The following HCN2 variants were observed in gnomAD, a reference collection of about 807,000 sequenced individuals.
The protein encoded by HCN2 is potassium/sodium hyperpolarization-activated cyclic nucleotide-gated channel 2.
In HCN2, 20 loss-of-function variants were observed where a neutral mutation model predicts 52.3. That is an observed-to-expected ratio of 0.38 (90% confidence interval 0.27 to 0.56). HCN2 has a LOEUF of 0.56. Ranked by LOEUF, HCN2 falls within the 20% of genes least tolerant of loss-of-function variation. The pLI, the probability that HCN2 is intolerant of heterozygous loss-of-function variation, is 0.71. For missense variants in HCN2, 981 were observed against 1,207.7 expected, an observed-to-expected ratio of 0.81 and a Z score of 2.78; for synonymous variants, 694 against 537.0, an observed-to-expected ratio of 1.29 and a Z score of -4.04.
chr19:610,284 C>G lies in HCN2; in HGVS notation c.1463C>G (p.Ser488Cys). Residue 488 changes from serine to cysteine, a missense_variant, in exon 5 of 8, where the codon TCC becomes TGC. Ser to Cys is a moderately radical substitution (Grantham distance 112). Coordinates refer to ENST00000251287, the MANE Select transcript of HCN2 (RefSeq NM_001194.4). ...EKYKQVEQYMSFHKLPADFRQ... is the reference protein window; with the variant it reads ...EKYKQVEQYMCFHKLPADFRQ... ...TACAAGCAGGTGGAGCAGTACATGTCCTTCCACAAGCTGCCAGCTGACTTC... is the reference window on the plus strand; with the variant it reads ...TACAAGCAGGTGGAGCAGTACATGTGCTTCCACAAGCTGCCAGCTGACTTC... 6.2e-7 allele frequency: 1 copy of G among 1,613,460 alleles called. No individual in the cohort carries two copies. Among genetic ancestry groups the G allele is most frequent in the Non-Finnish European group, 8.5e-7 (1 of 1,179,784 alleles).
At chr19:609,020 G>A (rs1423075384) in intron 4 of HCN2, among the ~76,000 whole-genome samples, 3 of 152,214 alleles carry the variant, frequency 2.0e-5, no homozygotes, top group Non-Finnish European at 4.4e-5. Context: ...GTTTCCCCAT[G>A]TTAGGCGGCT....
intron 4 of HCN2, among the ~76,000 whole-genome samples, chr19:609,944 A>G (rs1391042625): frequency 1.3e-5 from 2 of 152,192 alleles, no homozygotes; most frequent in Non-Finnish European, 2.9e-5. Flanking sequence ...TTCAACTTTG[A>G]TTTAAATAGA....
intron 1 of HCN2, among the ~76,000 whole-genome samples, chr19:599,719 C>G (rs891160372): frequency 1.3e-5 from 2 of 151,946 alleles, no homozygotes; most frequent in Non-Finnish European, 2.9e-5. Context: ...ACCCTGGAGG[C>G]GGAGCTTGCA....
At chr19:612,230 C>T (rs1177764671) in intron 5 of HCN2, among the ~76,000 whole-genome samples, 3 of 152,146 alleles carry the variant, frequency 2.0e-5, no homozygotes, top group Non-Finnish European at 4.4e-5. Context: ...GGTGTAACCA[C>T]CACACAGAAC....
At position 591,808 on chromosome 19, in the gene HCN2, C is replaced by T. The variant is rs1044214966; in HGVS notation, c.632+1231C>T. On this transcript the variant is annotated intron_variant, in intron 1 of 7. Coordinates refer to ENST00000251287, the MANE Select transcript of HCN2 (RefSeq NM_001194.4). This position sits in a 1 kb window ranked among gnomAD's most constrained non-coding sequence, Gnocchi z 4.1. ...AACTGGGCAGGGAGGCTGTGGGGTT[C>T]TCTCTTCCCCTGGATTCTCTGCACC... Among the ~76,000 whole-genome samples the T allele has an allele frequency of 6.6e-6, 1 of 152,162 alleles. No individual in the cohort carries two copies. Among genetic ancestry groups the T allele is most frequent in the African/African-American group, 2.4e-5 (1 of 41,434 alleles).
rs983406508 is a variant in HCN2, at chr19:616,469, T to C, written c.2665T>C (p.Leu889=). ...CGCGCGCTCGCGCCTCTCGTCCAAC[T>C]TGTGACCCTCGCCGACCGCCCCGCG... ...DSARSRLSSN[L] Residue 889 remains leucine (L), a synonymous_variant, in exon 8 of 8, where the codon TTG becomes CTG. Coordinates refer to ENST00000251287, the MANE Select transcript of HCN2 (RefSeq NM_001194.4). 1.9e-5 allele frequency: 23 copies of C among 1,224,796 alleles called. No homozygotes were observed. The East Asian group carries it at 6.9e-4, about 37-fold the overall frequency. The allele number at this position is 1,224,796 out of a possible 1,614,324, so 75.9% of individuals were successfully genotyped here. A position where few individuals can be genotyped will look rare whatever the true frequency, so the allele number is the denominator to read the frequency against.
rs1321423809 is a variant in HCN2 at position 616,885 on chromosome 19, G to C, written c.*411G>C. The C allele has an allele frequency of 1.2e-5, 3 of 257,412 alleles. No homozygotes were observed. Among genetic ancestry groups the C allele is most frequent in the Non-Finnish European group, 2.2e-5 (3 of 134,354 alleles). The allele number at this position is 257,412 out of a possible 1,614,324, so 15.9% of individuals were successfully genotyped here. A position where few individuals can be genotyped will look rare whatever the true frequency, so the allele number is the denominator to read the frequency against. Reference sequence around the variant, plus strand: ...TCTAAGTGCAATACTTGGCCCGCCGGCTTCCCGCTGCCCCCATCGCGCTCA... The same window carrying C: ...TCTAAGTGCAATACTTGGCCCGCCGCCTTCCCGCTGCCCCCATCGCGCTCA... On this transcript the variant is annotated 3_prime_UTR_variant, in exon 8 of 8. Transcript: ENST00000251287.
intron 1 of HCN2, among the ~76,000 whole-genome samples, chr19:593,898 G>A (rs1278382750): frequency 2.0e-5 from 3 of 152,122 alleles, no homozygotes; most frequent in Non-Finnish European, 4.4e-5. Context: ...GCAACCCCCA[G>A]GGCTTCGGCA....
Position 613,767 on chromosome 19 carries a change from G to C in HCN2, c.1826-85G>C, listed in dbSNP as rs909105873. ...GTGGGAAGCGCCCACGCTGGCCAAG[G>C]TGCAGAGGCCGGGCCGTGTGCCTGG... On this transcript the variant is annotated intron_variant, in intron 6 of 7. Coordinates refer to ENST00000251287, the MANE Select transcript of HCN2 (RefSeq NM_001194.4). 4.4e-5 allele frequency: 60 copies of C among 1,359,066 alleles called. 1 individual carries two copies. The African/African-American group carries it at 8.0e-4, about 18-fold the overall frequency. 84.2% of individuals were successfully genotyped at this position (1,359,066 alleles called of 1,614,324 possible). A position where few individuals can be genotyped will look rare whatever the true frequency, so the allele number is the denominator to read the frequency against.
chr19:615,881 G>A lies in HCN2; in HGVS notation c.2077G>A (p.Glu693Lys), dbSNP rs750437676. ...FNNQENAIIQEIVKYDREMVQ... is the reference protein window; with the variant it reads ...FNNQENAIIQKIVKYDREMVQ... ...CAACCAGGAGAACGCCATCATCCAG[G>A]AGATCGTCAAGTACGACCGCGAGAT... is the stretch of plus-strand genomic sequence containing the variant. The change falls in exon 8 of 8, where the codon GAG becomes AAG. Residue 693 changes from glutamate (E) to lysine (K), a missense_variant. Around this residue, in one of 6 missense-constraint regions of HCN2, gnomAD observed 368 missense variants for 314.8 expected, o/e 1.17. Transcript: ENST00000251287. 4.3e-5 allele frequency: 69 copies of A among 1,612,870 alleles called. No homozygotes were observed. The highest frequency in any genetic ancestry group is 5.4e-5 in the Non-Finnish European group (64 of 1,179,892).
chr19:604,592 G>A (rs1242080351), intron 2 of HCN2, among the ~76,000 whole-genome samples: 1 of 120,980 alleles, frequency 8.3e-6, no homozygotes, highest in Non-Finnish European at 1.6e-5. Flanking sequence ...AGCGGGGTCA[G>A]ACATCCGAGT....
Position 599,240 on chromosome 19 carries a change from C to T in HCN2, c.633-4304C>T, listed in dbSNP as rs1001246422. Among the ~76,000 whole-genome samples, 18 of 152,354 alleles carry T rather than the reference C, an allele frequency of 1.2e-4. No individual in the cohort carries two copies. In the East Asian group the frequency reaches 1.9e-3, roughly 16 times the overall value. The stretch of plus-strand genomic sequence containing the variant: ...TCGGGATCATTTCCCCGAAGTGGAG[C>T]GTCTGGGTCACCCCGCAGACGTGGT... On this transcript the variant is annotated intron_variant, in intron 1 of 7. Coordinates refer to ENST00000251287, the MANE Select transcript of HCN2 (RefSeq NM_001194.4).
chr19:604,963 G>A (rs1983371293), intron 2 of HCN2, 98 bp from the exon 3 acceptor site: 3 of 1,288,282 alleles, frequency 2.3e-6, no homozygotes, highest in Non-Finnish European at 3.1e-6. Context: ...TGGGGGAGGG[G>A]GCCAGGAGCT....
rs1263400743 is a variant in HCN2, at chr19:616,674, C to T, written c.*200C>T. ...CCGGCCGTCCCCCCTCATCGCCCCG[C>T]GCCCACCCCCATCGCCCCTGCCCCC... On this transcript the variant is annotated 3_prime_UTR_variant, in exon 8 of 8. Coordinates refer to ENST00000251287, the MANE Select transcript of HCN2 (RefSeq NM_001194.4). 2.1e-5 allele frequency: 5 copies of T among 242,552 alleles called. 1 individual carries two copies. Among genetic ancestry groups the T allele is most frequent in the South Asian group, 3.2e-4 (2 of 6,220 alleles). 15.0% of individuals were successfully genotyped at this position (242,552 alleles called of 1,614,324 possible). A position where few individuals can be genotyped will look rare whatever the true frequency, so the allele number is the denominator to read the frequency against.
At chr19:607,596 T>C (rs1294293778) in intron 3 of HCN2, among the ~76,000 whole-genome samples, 6 of 152,226 alleles carry the variant, frequency 3.9e-5, no homozygotes, top group Admixed American at 3.9e-4. Flanking sequence ...CGGCCTGGTG[T>C]CTCTGCCCGC....
intron 1 of HCN2, among the ~76,000 whole-genome samples, chr19:600,360 G>T (rs186674769): frequency 0.015 from 2,238 of 151,982 alleles, 28 homozygotes; most frequent in Non-Finnish European, 0.024. Flanking sequence ...ATTATTTTTT[G>T]AGATGGGGTC....
chr19:612,815 C>T (rs1026482771), intron 5 of HCN2, among the ~76,000 whole-genome samples: 2 of 149,082 alleles, frequency 1.3e-5, no homozygotes, highest in African/African-American at 5.0e-5. Context: ...TCACTGCAGC[C>T]TCGACTTCCT....
Position 611,360 on chromosome 19 carries a change from G to A in HCN2, c.1584+955G>A, listed in dbSNP as rs926516149. On this transcript the variant is annotated intron_variant, in intron 5 of 7. Coordinates refer to ENST00000251287, the MANE Select transcript of HCN2 (RefSeq NM_001194.4). ...GCAGCTCTGGGAAGCGGGGAGGGAC[G>A]AGGACGGGGAGGCGACATCAGCAAG... Among the ~76,000 whole-genome samples, 20 of 152,330 alleles carry A rather than the reference G, an allele frequency of 1.3e-4. No individual in the cohort carries two copies. In the South Asian group the frequency reaches 1.9e-3, roughly 14 times the overall value.
At chr19:612,844 GTTTT>G (rs371557417) in intron 5 of HCN2, among the ~76,000 whole-genome samples, 2 of 126,374 alleles carry the variant, frequency 1.6e-5, no homozygotes, top group African/African-American at 2.9e-5. Flanking sequence ...ACGCCTGGCT[GTTTT>G]TTTTTTTTCC....
Sources: allele counts gnomAD v4.1 joint callset (sites outside exome capture counted in the v4.1 genomes callset), GRCh38; gene constraint gnomAD v4.1.1; regional missense constraint gnomAD v4.1.1; non-coding constraint Gnocchi (gnomAD v3.1); transcripts MANE v1.5; gene names NCBI Gene and HGNC (gene_info 2026-07-23, HGNC 2026-07-21).